The following PTPRE variants were observed in gnomAD, a reference collection of about 807,000 sequenced individuals.
PTPRE encodes protein tyrosine phosphatase receptor type E, also known as receptor-type tyrosine-protein phosphatase epsilon.
In PTPRE, 51 loss-of-function variants were observed where a neutral mutation model predicts 102.0. The ratio of observed to expected loss-of-function variants is 0.50; its 90% CI spans 0.40 to 0.63. The LOEUF (loss-of-function observed/expected upper bound fraction) is 0.63. PTPRE is among the 30% of genes least tolerant of loss of function. The probability of loss-of-function intolerance (pLI) is 0.00; values close to 1 mark genes in which losing one functional copy is unlikely to be tolerated. For synonymous variants in PTPRE, 345 were observed against 348.2 expected (o/e 0.99, Z 0.10); for missense variants, 752 against 915.1 (o/e 0.82, Z 2.30).
rs73388009 is a variant in PTPRE, at chr10:128,071,844, A to T, written c.1388-294A>T. The T allele has an allele frequency of 2.7e-3, 733 of 272,524 alleles. 4 individuals carry two copies. The highest frequency in any genetic ancestry group is 0.015 in the African/African-American group (668 of 44,546). 16.9% of individuals were successfully genotyped at this position (272,524 alleles called of 1,614,324 possible). On this transcript the variant is annotated intron_variant, in intron 15 of 20. Transcript: ENST00000254667. ...CACTCTAGATTGCTTGCCTGGCCAC[A>T]TTCCATTTACTCCTTCAGCGCAATA...
intron 1 of PTPRE, among the ~76,000 whole-genome samples, chr10:127,953,630 T>C (rs555246864): frequency 4.6e-5 from 7 of 152,358 alleles, no homozygotes; most frequent in Admixed American, 1.3e-4. Flanking sequence ...TTATGGTTCC[T>C]ACTCCTGCTA....
chr10:128,027,538 A>C (rs1339998460), intron 2 of PTPRE, among the ~76,000 whole-genome samples: 1 of 152,184 alleles, frequency 6.6e-6, no homozygotes, highest in Non-Finnish European at 1.5e-5. Context: ...TTATCAGAAG[A>C]TAAAGGGGTC....
At chr10:128,072,100 C>A in intron 15 of PTPRE, 38 bp from the exon 16 acceptor site, 1 of 1,581,762 alleles carries the variant, frequency 6.3e-7, no homozygotes, top group Middle Eastern at 1.7e-4. Flanking sequence ...AAGGTGGGAC[C>A]CTTTTTGTAA....
chr10:128,024,159 A>G (rs944100618), intron 2 of PTPRE, among the ~76,000 whole-genome samples: 1 of 152,240 alleles, frequency 6.6e-6, no homozygotes. Context: ...CCATTCAGGA[A>G]CGAAGAGTTA....
Position 128,077,788 on chromosome 10 carries a change from G to T in PTPRE, c.1892+5G>T. ...CCCCATCACCGTGCACTGCAGGTGA[G>T]CCCCCAGCCCGAAGCCCTCCAGGTG... On this transcript the variant is annotated splice_donor_5th_base_variant and intron_variant, in intron 19 of 20. Transcript: ENST00000254667. 3.2e-6 allele frequency: 5 copies of T among 1,582,284 alleles called. No individual in the cohort carries two copies. Among genetic ancestry groups the T allele is most frequent in the Non-Finnish European group, 3.5e-6 (4 of 1,155,190 alleles).
intron 1 of PTPRE, among the ~76,000 whole-genome samples, chr10:127,966,312 T>C (rs1210333468): frequency 2.6e-5 from 4 of 152,180 alleles, no homozygotes; most frequent in Non-Finnish European, 5.9e-5. Context: ...CAGTTACTGA[T>C]CATTTATCTT....
intron 1 of PTPRE, among the ~76,000 whole-genome samples, chr10:127,928,679 C>A (rs1847205438): frequency 1.3e-5 from 2 of 152,200 alleles, no homozygotes; most frequent in Non-Finnish European, 2.9e-5. Context: ...AAACATCGTA[C>A]TGTGGGTACA....
chr10:127,953,634 C>T (rs886462869), intron 1 of PTPRE, among the ~76,000 whole-genome samples: 10 of 152,322 alleles, frequency 6.6e-5, no homozygotes, highest in Admixed American at 5.9e-4. Flanking sequence ...GGTTCCTACT[C>T]CTGCTATGCT....
rs1851989769 is a variant in PTPRE, at chr10:128,084,953, A to G, written c.*2047A>G. The G allele has an allele frequency of 3.0e-6, 1 of 338,536 alleles. No individual in the cohort carries two copies. Among genetic ancestry groups the G allele is most frequent in the Admixed American group, 3.7e-5 (1 of 26,890 alleles). The allele number at this position is 338,536 out of a possible 1,614,324, so 21.0% of individuals were successfully genotyped here. On this transcript the variant is annotated 3_prime_UTR_variant, in exon 21 of 21. Coordinates refer to ENST00000254667, the MANE Select transcript of PTPRE (RefSeq NM_006504.6). Reference sequence around the variant, plus strand: ...TTGTATCAAGAAGTACCTTTAAGGTAGACCTTTTCAGGGTGCCCTCAGGAA... The same window carrying G: ...TTGTATCAAGAAGTACCTTTAAGGTGGACCTTTTCAGGGTGCCCTCAGGAA...
In PTPRE at chr10:128,069,783, G is replaced by A. The variant is rs1431532537; in HGVS notation, c.1099G>A (p.Val367Met). The A allele has an allele frequency of 6.2e-7, 1 of 1,614,232 alleles. No individual in the cohort carries two copies. Among genetic ancestry groups the A allele is most frequent in the Non-Finnish European group, 8.5e-7 (1 of 1,180,042 alleles). The change falls in exon 13 of 21, where the codon GTG becomes ATG. Residue 367 changes from valine (V) to methionine (M), a missense_variant. By Grantham distance (21) the Val-to-Met change is conservative. This residue lies in a region of PTPRE where 636 missense variants were observed against 824.4 expected (regional missense o/e 0.77). Coordinates refer to ENST00000254667, the MANE Select transcript of PTPRE (RefSeq NM_006504.6). The stretch of plus-strand genomic sequence containing the variant: ...GCAGAAGGTGGATGTGTTTGAATTT[G>A]TGTCTCGAATCCGTAATCAGCGCCC... ...AEQKVDVFEF[V>M]SRIRNQRPQM...
At chr10:128,015,108 G>A (rs1258105055) in intron 2 of PTPRE, among the ~76,000 whole-genome samples, 1 of 152,118 alleles carries the variant, frequency 6.6e-6, no homozygotes, top group Non-Finnish European at 1.5e-5. Flanking sequence ...TTCCACTTAC[G>A]GTTGTTGACC....
intron 2 of PTPRE, among the ~76,000 whole-genome samples, chr10:127,983,557 T>C (rs1456119957): frequency 6.6e-6 from 1 of 152,212 alleles, no homozygotes; most frequent in African/African-American, 2.4e-5. Flanking sequence ...TGAACGCTTA[T>C]TAAATGTGGC....
chr10:127,990,411 C>CAAAAAAAAAAAAA (rs60034358), intron 2 of PTPRE, among the ~76,000 whole-genome samples: 6 of 65,730 alleles, frequency 9.1e-5, no homozygotes, highest in Admixed American at 3.6e-4. Flanking sequence ...GACTCCACCT[C>CAAAAAAAAAAAAA]AAAAAAAAAA....
Position 127,914,277 on chromosome 10 carries a change from A to C in PTPRE, c.-31+6968A>C, listed in dbSNP as rs142440685. ...TGCACAGCCTGCAGAACCATCAGCCAATTAAACCTCATTTCCTTATAAATT... is the reference window on the plus strand; with the variant it reads ...TGCACAGCCTGCAGAACCATCAGCCCATTAAACCTCATTTCCTTATAAATT... On this transcript the variant is annotated intron_variant, in intron 1 of 20. Transcript: ENST00000254667. Among the ~76,000 whole-genome samples, 504 of 152,250 alleles carry C rather than the reference A, an allele frequency of 3.3e-3. 5 individuals are homozygous for C. Among genetic ancestry groups the C allele is most frequent in the Non-Finnish European group, 4.4e-3 (296 of 68,006 alleles).
intron 1 of PTPRE, among the ~76,000 whole-genome samples, chr10:127,954,517 A>G (rs114514602): frequency 0.016 from 2,421 of 152,296 alleles, 51 homozygotes; most frequent in African/African-American, 0.055. Context: ...CTTCTGACCA[A>G]GGAATTCACC....
In PTPRE at chr10:128,061,721, CTT is replaced by C; in HGVS notation, c.625+10_625+11del. ...TAAATTCATAGCAGCTCAAGGTAAG[CTT>C]TTTATTAATTTCTCAACGTATTTTT... On this transcript the variant is annotated splice_region_variant and intron_variant, in intron 9 of 20. Transcript: ENST00000254667. 6.3e-7 allele frequency: 1 copy of C among 1,581,044 alleles called. No homozygotes were observed.
chr10:127,936,677 C>A (rs898665530), intron 1 of PTPRE, among the ~76,000 whole-genome samples: 1 of 152,076 alleles, frequency 6.6e-6, no homozygotes, highest in Non-Finnish European at 1.5e-5. Flanking sequence ...ATAAGGGAAG[C>A]GTTGTCCCAT....
At chr10:128,003,892 C>A (rs529342109) in intron 2 of PTPRE, among the ~76,000 whole-genome samples, 61 of 152,232 alleles carry the variant, frequency 4.0e-4, no homozygotes, top group African/African-American at 1.4e-3. Context: ...CATTCGGATG[C>A]TCCCATTTAT....
intron 5 of PTPRE, among the ~76,000 whole-genome samples, chr10:128,048,205 T>C (rs147434527): frequency 6.6e-6 from 1 of 152,210 alleles, no homozygotes; most frequent in African/African-American, 2.4e-5. Flanking sequence ...TGTACTGCTT[T>C]AGGATCCAGC....
Sources: gnomAD v4.1 joint callset for allele counts (sites outside exome capture counted in the v4.1 genomes callset) on GRCh38, gnomAD v4.1.1 for gene constraint, gnomAD v4.1.1 regional missense constraint, MANE v1.5 for transcripts, NCBI Gene and HGNC (gene_info 2026-07-23, HGNC 2026-07-21) for gene names.